The following BMP2K variants were observed in gnomAD, a reference collection of about 807,000 sequenced individuals.
BMP2K encodes BMP2 inducible kinase.
In BMP2K, 74 loss-of-function variants were observed where a neutral mutation model predicts 116.0. The ratio of observed to expected loss-of-function variants is 0.64; its 90% confidence interval spans 0.53 to 0.77. The LOEUF (loss-of-function observed/expected upper bound fraction) is 0.77, where lower values mean the gene tolerates loss of function less well. Among genes scored for constraint, BMP2K ranks in the 30% least tolerant of loss-of-function variants. BMP2K has a pLI of 0.00. For synonymous variants in BMP2K, 486 were observed against 502.5 expected, an observed-to-expected ratio of 0.97 and a Z score of 0.44; for missense variants, 1,365 against 1,403.6, an observed-to-expected ratio of 0.97 and a Z score of 0.44.
chr4:78,796,027 C>T (rs567999595), intron 1 of BMP2K, among the ~76,000 whole-genome samples: 224 of 151,974 alleles, frequency 1.5e-3, no homozygotes, highest in African/African-American at 4.8e-3. Flanking sequence ...TTGACCCAGC[C>T]ATCCCATTAC....
Position 78,833,680 on chromosome 4 carries a change from T to G in BMP2K, c.396T>G (p.Tyr132Ter). ...NVWEVLILME[Y>*]CRAGQVVNQM... ...GGGAAGTCCTTATCTTAATGGAATA[T>G]TGTCGAGGTAAGTATTTTTTTGCAT... Residue 132 changes from tyrosine to a stop codon, truncating the protein, a stop_gained, in exon 3 of 16, where the codon TAT (tyrosine) becomes TAG (stop). Transcript: ENST00000502613. LOFTEE classifies it high-confidence loss of function. The G allele has an allele frequency of 6.3e-7, 1 of 1,599,266 alleles. No individual in the cohort carries two copies. Among genetic ancestry groups the G allele is most frequent in the Non-Finnish European group, 8.5e-7 (1 of 1,174,244 alleles).
intron 1 of BMP2K, among the ~76,000 whole-genome samples, chr4:78,780,623 G>C (rs1303177064): frequency 6.6e-6 from 1 of 152,006 alleles, no homozygotes; most frequent in East Asian, 1.9e-4. Context: ...AGATAGAGAG[G>C]ATAGAAAAAA....
chr4:78,811,417 T>C (rs190465907), intron 1 of BMP2K, among the ~76,000 whole-genome samples: 2 of 152,338 alleles, frequency 1.3e-5, no homozygotes, highest in East Asian at 3.9e-4. Flanking sequence ...TTAATTTATA[T>C]TAAAGTTATG....
At chr4:78,861,558 A>C (rs185072037) in intron 9 of BMP2K, 90 bp downstream of exon 9, 12 of 1,011,558 alleles carry the variant, frequency 1.2e-5, no homozygotes, top group Admixed American at 2.3e-5. Flanking sequence ...ATTAAATATC[A>C]TCTTCATCCA....
chr4:78,828,225 T>C (rs1394598253), intron 2 of BMP2K, among the ~76,000 whole-genome samples: 6 of 152,322 alleles, frequency 3.9e-5, no homozygotes, highest in Admixed American at 3.9e-4. Flanking sequence ...TAGATTCTAT[T>C]AATTGGCTGA....
rs780276234 is a variant in BMP2K, at chr4:78,865,731, C to A, written c.1231+11C>A. The A allele has an allele frequency of 6.2e-7, 1 of 1,612,768 alleles. No homozygotes were observed. The highest frequency in any genetic ancestry group is 8.5e-7 in the Non-Finnish European group (1 of 1,179,120). On this transcript the variant is annotated intron_variant, in intron 10 of 15. Transcript: ENST00000502613. Reference sequence around the variant, plus strand: ...ACCATAGACCAAAAGGTAATAGAGCCCCGCCAACCTCATCCTCTTAAAGGT... The same window carrying A: ...ACCATAGACCAAAAGGTAATAGAGCACCGCCAACCTCATCCTCTTAAAGGT...
rs907572036 is a variant in BMP2K, at chr4:78,913,289, G to A, written c.*1256G>A. 1 of 152,092 alleles carries A rather than the reference G, an allele frequency of 6.6e-6. No homozygotes were observed. Among genetic ancestry groups the A allele is most frequent in the Non-Finnish European group, 1.5e-5 (1 of 67,984 alleles). The allele number at this position is 152,092 out of a possible 1,614,324, so 9.4% of individuals were successfully genotyped here. ...TAAGGTGGACTAGCATCTTAATTCT[G>A]CTAGTTGATTGTGTCTTTACTGAAA... On this transcript the variant is annotated 3_prime_UTR_variant, in exon 16 of 16. Coordinates refer to ENST00000502613, the MANE Select transcript of BMP2K (RefSeq NM_198892.2).
rs1734648590 is a variant in BMP2K, at chr4:78,911,951, G to C, written c.3404G>C (p.Ser1135Thr). Residue 1135 changes from serine to threonine, a missense_variant, in exon 16 of 16, where the codon AGC (serine) becomes ACC (threonine). This residue lies in a region of BMP2K where 596 missense variants were observed against 623.2 expected (regional missense o/e 0.96). Transcript: ENST00000502613. ...AVPFTELVVQ[S>T]ITPHQSQQSQ... Reference sequence around the variant, plus strand: ...CCCTTTACAGAACTTGTGGTGCAAAGCATCACTCCACATCAGTCCCAACAG... The same window carrying C: ...CCCTTTACAGAACTTGTGGTGCAAACCATCACTCCACATCAGTCCCAACAG... 5.6e-6 allele frequency: 9 copies of C among 1,613,878 alleles called. No homozygotes were observed. Among genetic ancestry groups the C allele is most frequent in the African/African-American group, 1.3e-5 (1 of 74,920 alleles).
At chr4:78,817,356 C>G (rs1214153380) in intron 1 of BMP2K, among the ~76,000 whole-genome samples, 1 of 152,212 alleles carries the variant, frequency 6.6e-6, no homozygotes, top group Non-Finnish European at 1.5e-5. Context: ...ATCTGTACTT[C>G]TGATAAACTT....
At chr4:78,905,775 A>G (rs1326154832) in intron 15 of BMP2K, among the ~76,000 whole-genome samples, 2 of 152,042 alleles carry the variant, frequency 1.3e-5, no homozygotes, top group Middle Eastern at 3.2e-3. Flanking sequence ...AACTAGTGGG[A>G]ATCTGGCCCC....
Position 78,791,693 on chromosome 4 carries a change from ATCATAACAATAT to A in BMP2K, c.178+14974_178+14985del, listed in dbSNP as rs143533691. Among the ~76,000 whole-genome samples the A allele has an allele frequency of 8.0e-3, 1,222 of 152,318 alleles. 5 individuals carry two copies. Among genetic ancestry groups the A allele is most frequent in the Non-Finnish European group, 0.012 (834 of 68,032 alleles). On this transcript the variant is annotated intron_variant, in intron 1 of 15. Coordinates refer to ENST00000502613, the MANE Select transcript of BMP2K (RefSeq NM_198892.2). ...ATTCTAGGTATCTTATAGAAGTGGA[ATCATAACAATAT>A]TTAGCATTTTGTGTCTGGCTTATTT...
chr4:78,779,697 T>C (rs895232240), intron 1 of BMP2K, among the ~76,000 whole-genome samples: 2 of 152,242 alleles, frequency 1.3e-5, no homozygotes, highest in African/African-American at 2.4e-5. Context: ...TAGGTAGATA[T>C]GTATATGCAC....
At chr4:78,790,080 A>G (rs1483191325) in intron 1 of BMP2K, among the ~76,000 whole-genome samples, 1 of 152,240 alleles carries the variant, frequency 6.6e-6, no homozygotes, top group Non-Finnish European at 1.5e-5. Context: ...TTGGAATACA[A>G]AACATCTGAA....
chr4:78,911,608 C>T lies in BMP2K; in HGVS notation c.3061C>T (p.His1021Tyr). ...TCGCACTCCAGAGAGGGCTCGCAGG[C>T]ACAAAAAAGTGGGCCGCCGAGACTC... ...TYRTPERARRHKKVGRRDSQS... is the reference protein window; with the variant it reads ...TYRTPERARRYKKVGRRDSQS... The change falls in exon 16 of 16, where the codon CAC (histidine) becomes TAC (tyrosine). Residue 1021 changes from histidine to tyrosine, a missense_variant. Physicochemically the swap from His to Tyr is moderately conservative, Grantham distance 83. Around this residue, in one of 3 missense-constraint regions of BMP2K, gnomAD observed 596 missense variants for 623.2 expected, o/e 0.96. Transcript: ENST00000502613. The T allele has an allele frequency of 1.2e-6, 2 of 1,613,830 alleles. No homozygotes were observed. The highest frequency in any genetic ancestry group is 2.2e-5 in the South Asian group (2 of 91,076).
At chr4:78,793,778 A>T (rs576646210) in intron 1 of BMP2K, among the ~76,000 whole-genome samples, 233 of 152,292 alleles carry the variant, frequency 1.5e-3, no homozygotes, top group Non-Finnish European at 2.2e-3. Context: ...AGAAGACCTT[A>T]TTAATATTTT....
intron 1 of BMP2K, among the ~76,000 whole-genome samples, chr4:78,790,222 GATTT>G (rs1727932591): frequency 6.6e-6 from 1 of 152,130 alleles, no homozygotes; most frequent in African/African-American, 2.4e-5. Flanking sequence ...AATGGTGCTT[GATTT>G]ATGATTTTAA....
rs974102507 is a variant in BMP2K, at chr4:78,835,628, A to C, written c.403+1941A>C. On this transcript the variant is annotated intron_variant, in intron 3 of 15. Transcript: ENST00000502613. ...TGGGCACATAGCGAGACTCCGTGTC[A>C]AAAAAAAAAAAAAAAAAAAAAGTCA... Among the ~76,000 whole-genome samples the C allele has an allele frequency of 1.5e-4, 14 of 93,888 alleles. No homozygotes were observed. In the East Asian group the frequency reaches 4.7e-3, roughly 32 times the overall value. 61.6% of individuals were successfully genotyped at this position (93,888 alleles called of 152,430 possible). A position where few individuals can be genotyped will look rare whatever the true frequency, so the allele number is the denominator to read the frequency against.
intron 10 of BMP2K, among the ~76,000 whole-genome samples, chr4:78,867,671 A>G (rs1471678441): frequency 6.6e-6 from 1 of 152,196 alleles, no homozygotes; most frequent in Non-Finnish European, 1.5e-5. Flanking sequence ...TTTTCTTCCC[A>G]GAGTTAACCA....
At chr4:78,824,204 C>G (rs1215952409) in intron 1 of BMP2K, among the ~76,000 whole-genome samples, 2 of 152,128 alleles carry the variant, frequency 1.3e-5, no homozygotes, top group African/African-American at 4.8e-5. Flanking sequence ...TTTCTTATAA[C>G]TGGAAATGGA....
Sources: allele counts gnomAD v4.1 joint callset (sites outside exome capture counted in the v4.1 genomes callset), GRCh38; gene constraint gnomAD v4.1.1; regional missense constraint gnomAD v4.1.1; transcripts MANE v1.5; gene names NCBI Gene and HGNC (gene_info 2026-07-23, HGNC 2026-07-21).